The following DNAH14 variants were observed in gnomAD, a reference collection of about 807,000 sequenced individuals.
DNAH14 encodes the protein axonemal beta dynein heavy chain 14.
DNAH14 carries 478 observed loss-of-function variants against 520.9 expected under a neutral mutation model. The ratio of observed to expected loss-of-function variants is 0.92; its 90% confidence interval spans 0.85 to 0.99. DNAH14 has a LOEUF of 0.99. Among genes scored for constraint, DNAH14 ranks in the 50% least tolerant of loss-of-function variants. The probability of loss-of-function intolerance (pLI) is 0.00; values close to 1 mark genes in which losing one functional copy is unlikely to be tolerated. For missense variants in DNAH14, 4,831 were observed against 5,234.5 expected (o/e 0.92, Z 2.38); for synonymous variants, 1,581 against 1,757.2 (o/e 0.90, Z 2.51).
At chr1:224,979,444 G>C (rs1276012042) in intron 8 of DNAH14, among the ~76,000 whole-genome samples, 1 of 152,198 alleles carries the variant, frequency 6.6e-6, no homozygotes, top group South Asian at 2.1e-4. Flanking sequence ...ATTTAGACCA[G>C]TTCTAGCCAG....
At chr1:225,176,120 A>G (rs1169268905) in intron 36 of DNAH14, among the ~76,000 whole-genome samples, 1 of 152,122 alleles carries the variant, frequency 6.6e-6, no homozygotes, top group East Asian at 1.9e-4. Context: ...TGCTTTTGCT[A>G]TATCCTATTG....
intron 5 of DNAH14, among the ~76,000 whole-genome samples, chr1:224,967,095 A>T (rs898121134): frequency 2.6e-5 from 4 of 152,168 alleles, no homozygotes; most frequent in Non-Finnish European, 5.9e-5. Context: ...TGGTGTTGGC[A>T]GACAAATACT....
At chr1:225,286,099 A>C (rs1321419458) in intron 54 of DNAH14, among the ~76,000 whole-genome samples, 1 of 152,172 alleles carries the variant, frequency 6.6e-6, no homozygotes, top group Admixed American at 6.5e-5. Context: ...TGAGAAACAA[A>C]ATTCGAACTC....
At chr1:225,338,688 T>C (rs2095113418) in intron 68 of DNAH14, among the ~76,000 whole-genome samples, 2 of 152,236 alleles carry the variant, frequency 1.3e-5, no homozygotes, top group African/African-American at 2.4e-5. Context: ...ACAGCACTGT[T>C]ACATAGATTT....
intron 10 of DNAH14, 84 bp from the exon 11 acceptor site, chr1:225,023,531 T>C (rs1482818601): frequency 5.3e-6 from 6 of 1,133,488 alleles, no homozygotes; most frequent in Non-Finnish European, 7.2e-6. Flanking sequence ...CTAATTGAAG[T>C]TGATAAAAAA....
intron 58 of DNAH14, among the ~76,000 whole-genome samples, chr1:225,306,290 G>GAATAT (rs1260773445): frequency 6.6e-6 from 1 of 152,162 alleles, no homozygotes; most frequent in Non-Finnish European, 1.5e-5. Flanking sequence ...GGTAGTCTGT[G>GAATAT]AATATAATAA....
At chr1:225,352,776 A>ATATGC (rs1438943785) in intron 72 of DNAH14, among the ~76,000 whole-genome samples, 1 of 152,028 alleles carries the variant, frequency 6.6e-6, no homozygotes, top group South Asian at 2.1e-4. Context: ...TACCTATGCT[A>ATATGC]TATGCGTTTA....
intron 10 of DNAH14, among the ~76,000 whole-genome samples, chr1:225,017,393 C>T (rs930012968): frequency 1.7e-4 from 26 of 152,384 alleles, no homozygotes; most frequent in Non-Finnish European, 1.2e-4. Context: ...GTAGACTTTG[C>T]TGGTCTGCTG....
intron 36 of DNAH14, among the ~76,000 whole-genome samples, chr1:225,183,073 G>A (rs1177920910): frequency 2.0e-5 from 3 of 152,196 alleles, no homozygotes; most frequent in African/African-American, 4.8e-5. Flanking sequence ...CTTCCACTTA[G>A]GAGAGGAAAG....
intron 41 of DNAH14, among the ~76,000 whole-genome samples, chr1:225,208,138 A>G (rs1330595414): frequency 6.6e-6 from 1 of 152,174 alleles, no homozygotes; most frequent in Non-Finnish European, 1.5e-5. Flanking sequence ...GTGGATACAG[A>G]TTGTTAACAC....
intron 47 of DNAH14, 113 bp downstream of exon 47, chr1:225,264,374 T>C: frequency 1.0e-6 from 1 of 953,926 alleles, no homozygotes; most frequent in Non-Finnish European, 1.5e-6. Context: ...ATTGGTAATT[T>C]AATATAAAAA....
intron 17 of DNAH14, 87 bp from the exon 18 acceptor site, chr1:225,079,120 T>C (rs2072793751): frequency 9.1e-6 from 11 of 1,208,088 alleles, no homozygotes; most frequent in Admixed American, 2.7e-5. Context: ...ATTAGACTTA[T>C]ATAAGTCAGA....
rs908605567 is a variant in DNAH14 at position 225,389,888 on chromosome 1, C to A, written c.13330+15C>A. The A allele has an allele frequency of 3.2e-6, 5 of 1,550,732 alleles. No individual in the cohort carries two copies. The highest frequency in any genetic ancestry group is 1.7e-4 in the Middle Eastern group (1 of 6,012). On this transcript the variant is annotated intron_variant, in intron 83 of 85. Coordinates refer to ENST00000682510, the MANE Select transcript of DNAH14 (RefSeq NM_001367479.1). Reference sequence around the variant, plus strand: ...CTTTCCACAAGGTGAGCATTAGAACCAAGGTCAGCTCCAGACCTGGCCCAG... The same window carrying A: ...CTTTCCACAAGGTGAGCATTAGAACAAAGGTCAGCTCCAGACCTGGCCCAG...
intron 36 of DNAH14, among the ~76,000 whole-genome samples, chr1:225,178,820 A>G (rs988793051): frequency 6.6e-6 from 1 of 152,096 alleles, no homozygotes; most frequent in Non-Finnish European, 1.5e-5. Flanking sequence ...CCCCACCCGT[A>G]TCTCATCTTG....
intron 84 of DNAH14, among the ~76,000 whole-genome samples, chr1:225,395,320 G>A (rs915286653): frequency 6.6e-6 from 1 of 152,058 alleles, no homozygotes; most frequent in Admixed American, 6.5e-5. Context: ...TAGGCCGGGC[G>A]CGGTGTCTCA....
In DNAH14 at chr1:225,152,768, A is replaced by G; in HGVS notation, c.5081A>G (p.His1694Arg). ...LFRPVAMMVPHYQMIAEIILF... is the reference protein window; with the variant it reads ...LFRPVAMMVPRYQMIAEIILF... ...CGCCCAGTGGCAATGATGGTGCCCCATTATCAAATGATTGCTGAAATAATA... is the reference window on the plus strand; with the variant it reads ...CGCCCAGTGGCAATGATGGTGCCCCGTTATCAAATGATTGCTGAAATAATA... The change falls in exon 33 of 86, where the codon CAT becomes CGT. Residue 1694 changes from histidine to arginine, a missense_variant. Coordinates refer to ENST00000682510, the MANE Select transcript of DNAH14 (RefSeq NM_001367479.1). 1.9e-6 allele frequency: 3 copies of G among 1,551,448 alleles called. No individual in the cohort carries two copies. Among genetic ancestry groups the G allele is most frequent in the Non-Finnish European group, 2.6e-6 (3 of 1,146,830 alleles).
In DNAH14 at chr1:225,096,475, AT is replaced by A. The variant is rs140758504; in HGVS notation, c.3574-642del. Among the ~76,000 whole-genome samples, 1,105 of 152,276 alleles carry A rather than the reference AT, an allele frequency of 7.3e-3. 18 individuals carry two copies. The highest frequency in any genetic ancestry group is 0.026 in the African/African-American group (1,061 of 41,540). On this transcript the variant is annotated intron_variant, in intron 21 of 85. Coordinates refer to ENST00000682510, the MANE Select transcript of DNAH14 (RefSeq NM_001367479.1). ...GATGGACAAGTCCACTGGTTTCCAA[AT>A]AAGCCTTTTAGTATTAATTTATTTT...
rs1433755411 is a variant in DNAH14 at position 225,051,738 on chromosome 1, T to G, written c.2367T>G (p.His789Gln). The G allele has an allele frequency of 5.2e-6, 8 of 1,549,352 alleles. No individual in the cohort carries two copies. The Admixed American group carries it at 1.6e-4, about 31-fold the overall frequency. The change falls in exon 17 of 86, where the codon CAT (histidine) becomes CAG (glutamine). Residue 789 changes from histidine (H) to glutamine (Q), a missense_variant. Physicochemically the swap from His to Gln is conservative, Grantham distance 24. Transcript: ENST00000682510. ...TACTGTATATTGACAACGTCATACATATGAGCCACACCCTCATACAATCTG... is the reference window on the plus strand; with the variant it reads ...TACTGTATATTGACAACGTCATACAGATGAGCCACACCCTCATACAATCTG... ...ECLLYIDNVI[H>Q]MSHTLIQSVI...
At chr1:225,285,141 A>C (rs1364691647) in intron 54 of DNAH14, among the ~76,000 whole-genome samples, 3 of 152,248 alleles carry the variant, frequency 2.0e-5, no homozygotes, top group African/African-American at 7.2e-5. Context: ...CAATTAGGTA[A>C]GAAAAAGTGG....
Sources: gnomAD v4.1 joint callset for allele counts (sites outside exome capture counted in the v4.1 genomes callset) on GRCh38, gnomAD v4.1.1 for gene constraint, MANE v1.5 for transcripts, NCBI Gene and HGNC (gene_info 2026-07-23, HGNC 2026-07-21) for gene names.